POFUT3: variants seen among roughly 807,000 people sequenced by gnomAD.
POFUT3 encodes the protein GDP-fucose protein O-fucosyltransferase 3.
chr8:33,338,489 C>G, the POFUT3 span, among the ~76,000 whole-genome samples: 7 of 152,242 alleles, frequency 4.6e-5, no homozygotes, highest in Non-Finnish European at 8.8e-5. Flanking sequence ...AAGATCCCCC[C>G]TCCTACAGTG....
chr8:33,379,843 A>AAATATATATATATATATATAT, the POFUT3 span, among the ~76,000 whole-genome samples: 24 of 42,498 alleles, frequency 5.6e-4, no homozygotes, highest in African/African-American at 1.3e-3. Flanking sequence ...CTAAAAAAAA[A>AAATATATATATATATATATAT]AAAATATATA....
the POFUT3 span, among the ~76,000 whole-genome samples, chr8:33,468,808 C>A: frequency 1.3e-5 from 2 of 152,134 alleles, no homozygotes; most frequent in African/African-American, 4.8e-5. Flanking sequence ...TGATTAAAAT[C>A]CTTCAATGGC....
the POFUT3 span, among the ~76,000 whole-genome samples, chr8:33,444,843 T>G: frequency 6.6e-6 from 1 of 151,932 alleles, no homozygotes; most frequent in African/African-American, 2.4e-5. Context: ...TTACTATTAT[T>G]TATTTAAATA....
chr8:33,354,651 T>G, the POFUT3 span, among the ~76,000 whole-genome samples: 2 of 152,140 alleles, frequency 1.3e-5, no homozygotes, highest in Admixed American at 6.6e-5. Context: ...CACCCAGAAA[T>G]AATATTTTAC....
At chr8:33,355,013 T>G in the POFUT3 span, among the ~76,000 whole-genome samples, 1 of 152,346 alleles carries the variant, frequency 6.6e-6, no homozygotes, top group Admixed American at 6.5e-5. Context: ...TCACAGTCCT[T>G]TGTGAGCCTT....
chr8:33,380,061 TACAC>T, the POFUT3 span, among the ~76,000 whole-genome samples: 1 of 63,648 alleles, frequency 1.6e-5, no homozygotes, highest in African/African-American at 9.5e-5. Context: ...ACTATATATA[TACAC>T]TATATATATA....
chr8:33,407,199 A>G, the POFUT3 span, among the ~76,000 whole-genome samples: 1 of 152,224 alleles, frequency 6.6e-6, no homozygotes, highest in African/African-American at 2.4e-5. Context: ...ATTTTATCTG[A>G]ACATCAACAG....
the POFUT3 span, among the ~76,000 whole-genome samples, chr8:33,419,243 C>T: frequency 6.6e-6 from 1 of 152,160 alleles, no homozygotes; most frequent in African/African-American, 2.4e-5. Context: ...GTACCTAACA[C>T]ATAGAATAGT....
chr8:33,397,596 C>T, the POFUT3 span, among the ~76,000 whole-genome samples: 6 of 152,118 alleles, frequency 3.9e-5, no homozygotes, highest in African/African-American at 7.2e-5. Context: ...AAAGTCAGTT[C>T]GGAGTCCCAG....
At chr8:33,416,176 A>G in the POFUT3 span, among the ~76,000 whole-genome samples, 1 of 152,250 alleles carries the variant, frequency 6.6e-6, no homozygotes, top group South Asian at 2.1e-4. Flanking sequence ...TAAAATGGAA[A>G]CCTGGAAAGC....
At chr8:33,373,626 G>A in the POFUT3 span, among the ~76,000 whole-genome samples, 1 of 151,792 alleles carries the variant, frequency 6.6e-6, no homozygotes, top group African/African-American at 2.4e-5. Flanking sequence ...TGGCCTACAT[G>A]TTCAGGATTT....
chr8:33,318,357 T>A, the POFUT3 span, among the ~76,000 whole-genome samples: 1 of 149,818 alleles, frequency 6.7e-6, no homozygotes, highest in African/African-American at 2.5e-5. Context: ...CTACAATGTC[T>A]AGCACATTCC....
chr8:33,315,132 C>G, the POFUT3 span, among the ~76,000 whole-genome samples: 1 of 152,186 alleles, frequency 6.6e-6, no homozygotes, highest in Non-Finnish European at 1.5e-5. Context: ...CCAAGGGCAA[C>G]GTGATTCAGA....
the POFUT3 span, among the ~76,000 whole-genome samples, chr8:33,394,671 T>TA: frequency 6.7e-6 from 1 of 148,796 alleles, no homozygotes; most frequent in Non-Finnish European, 1.5e-5. Context: ...CTCTTAAAAA[T>TA]TAAAAAAAAA....
At chr8:33,364,846 A>G in the POFUT3 span, among the ~76,000 whole-genome samples, 33,286 of 152,188 alleles carry the variant, frequency 0.22, 4,114 homozygotes, top group South Asian at 0.5. Flanking sequence ...AAAGTAATTT[A>G]TAGATTCAAT....
chr8:33,366,441 A>C, the POFUT3 span, among the ~76,000 whole-genome samples: 67 of 152,324 alleles, frequency 4.4e-4, no homozygotes, highest in African/African-American at 1.6e-3. Flanking sequence ...TCAACTAAAA[A>C]AAAAAAGTAT....
At chr8:33,365,390 A>G in the POFUT3 span, among the ~76,000 whole-genome samples, 2 of 152,234 alleles carry the variant, frequency 1.3e-5, no homozygotes, top group African/African-American at 2.4e-5. Context: ...AATGGCAACA[A>G]AAGCCAAAAT....
At chr8:33,329,584 G>A in the POFUT3 span, among the ~76,000 whole-genome samples, 40,503 of 152,068 alleles carry the variant, frequency 0.27, 5,814 homozygotes, top group South Asian at 0.5. Flanking sequence ...TTCCCCATTC[G>A]TGACATAATG....
At chr8:33,436,458 A>T in the POFUT3 span, 1 of 1,433,960 alleles carries the variant, frequency 7.0e-7, no homozygotes, top group Non-Finnish European at 9.8e-7. Flanking sequence ...TGTTGCCCAC[A>T]TGCAACTTGG....
Sources: allele counts gnomAD v4.1 joint callset (sites outside exome capture counted in the v4.1 genomes callset), GRCh38; gene constraint gnomAD v4.1.1; transcripts MANE v1.5; gene names NCBI Gene and HGNC (gene_info 2026-07-23, HGNC 2026-07-21).